Variants in NFATC3 observed in about 807,000 individuals in gnomAD.
The protein encoded by NFATC3 is nuclear factor of activated T cells 3.
In NFATC3, 46 loss-of-function variants were observed where a neutral mutation model predicts 98.6. That is an observed-to-expected ratio of 0.47 (90% CI 0.37 to 0.60). The LOEUF (loss-of-function observed/expected upper bound fraction) is 0.60. Ranked by LOEUF, NFATC3 falls within the 20% of genes least tolerant of loss-of-function variation. The probability of loss-of-function intolerance (pLI) is 0.00; values close to 1 mark genes in which losing one functional copy is unlikely to be tolerated. For synonymous variants in NFATC3, 512 were observed against 472.2 expected (o/e 1.08, Z -1.09); for missense variants, 1,256 against 1,295.5 (o/e 0.97, Z 0.47).
chr16:68,156,344 A>G (rs2038616125), intron 3 of NFATC3, among the ~76,000 whole-genome samples: 1 of 152,170 alleles, frequency 6.6e-6, no homozygotes, highest in Admixed American at 6.5e-5. Flanking sequence ...AAAAACAAAA[A>G]CAAATGGATA....
chr16:68,085,837 GA>G (rs1422338806), intron 1 of NFATC3, 53 bp downstream of exon 1: 108 of 1,303,166 alleles, frequency 8.3e-5, no homozygotes, highest in Non-Finnish European at 1.0e-4. Context: ...TCGCTCGCAG[GA>G]TCTCTCGCTC....
intron 3 of NFATC3, chr16:68,138,825 A>G (rs2037592092): frequency 8.2e-7 from 1 of 1,218,312 alleles, no homozygotes; most frequent in Admixed American, 3.0e-5. Context: ...CATGCTCCAC[A>G]CAGGAATAAA....
chr16:68,188,413 T>C (rs1360359681), intron 8 of NFATC3, among the ~76,000 whole-genome samples: 1 of 152,170 alleles, frequency 6.6e-6, no homozygotes, highest in African/African-American at 2.4e-5. Flanking sequence ...ACCCAGGAAG[T>C]GCAAGGCTCC....
At chr16:68,140,056 G>C (rs575599002) in intron 3 of NFATC3, among the ~76,000 whole-genome samples, 1 of 152,036 alleles carries the variant, frequency 6.6e-6, no homozygotes, top group African/African-American at 2.4e-5. Context: ...GAGTACAGTC[G>C]TGCAATCTTG....
chr16:68,126,844 A>G (rs559043720), intron 3 of NFATC3, among the ~76,000 whole-genome samples: 2 of 152,320 alleles, frequency 1.3e-5, no homozygotes, highest in South Asian at 2.1e-4. Context: ...GAGAAAGATT[A>G]CAGTGGCCAA....
chr16:68,123,091 A>G lies in NFATC3; in HGVS notation c.1208A>G (p.Lys403Arg). 6.2e-7 allele frequency: 1 copy of G among 1,605,066 alleles called. No homozygotes were observed. Among genetic ancestry groups the G allele is most frequent in the Non-Finnish European group, 8.5e-7 (1 of 1,179,774 alleles). ...LSVPSPFTWS[K>R]PKPGHTPIFR... ...GTTCCTTCACCCTTTACCTGGAGCA[A>G]ACCAAAGCCTGGCCACACCCCTATA... The change falls in exon 2 of 10, where the codon AAA becomes AGA. Residue 403 changes from lysine (K) to arginine (R), a missense_variant. By Grantham distance (26) the Lys-to-Arg change is conservative. This residue lies in a region of NFATC3 where 156 missense variants were observed against 212.4 expected (regional missense o/e 0.73). Coordinates refer to ENST00000346183, the MANE Select transcript of NFATC3 (RefSeq NM_173165.3).
rs531061752 is a variant in NFATC3, at chr16:68,137,871, C to T, written c.1401+11261C>T. 4.6e-5 allele frequency among the ~76,000 whole-genome samples: 7 copies of T among 152,168 alleles called. No individual in the cohort carries two copies. In the East Asian group the frequency reaches 5.8e-4, roughly 13 times the overall value. ...GACCTCGTGATCCGCCCTCCTCGGT[C>T]GGCCTCCCAAAGTGCTGGGATTACA... On this transcript the variant is annotated intron_variant, in intron 3 of 9. Transcript: ENST00000346183.
intron 3 of NFATC3, among the ~76,000 whole-genome samples, chr16:68,154,988 G>C (rs1426032301): frequency 6.6e-6 from 1 of 152,226 alleles, no homozygotes; most frequent in Non-Finnish European, 1.5e-5. Context: ...GGAAGACAGA[G>C]AGCAGTTATA....
chr16:68,217,489 A>G (rs961502719), intron 9 of NFATC3, among the ~76,000 whole-genome samples: 2 of 151,456 alleles, frequency 1.3e-5, no homozygotes, highest in African/African-American at 2.4e-5. Flanking sequence ...AAAAAAAAAA[A>G]ATCTGGCATG....
intron 9 of NFATC3, among the ~76,000 whole-genome samples, chr16:68,192,394 T>C (rs2040482767): frequency 6.6e-6 from 1 of 150,686 alleles, no homozygotes; most frequent in Admixed American, 6.6e-5. Context: ...CCTTAGCATC[T>C]GTTTTACCAC....
In NFATC3 at chr16:68,159,946, C is replaced by T. The variant is rs117817130; in HGVS notation, c.1601+1878C>T. Among the ~76,000 whole-genome samples, 1,470 of 151,778 alleles carry T rather than the reference C, an allele frequency of 9.7e-3. 16 individuals carry two copies. Among genetic ancestry groups the T allele is most frequent in the Middle Eastern group, 0.017 (5 of 292 alleles). On this transcript the variant is annotated intron_variant, in intron 4 of 9. Transcript: ENST00000346183. ...ACAAAAAATTACCTGGGTGTGGTGG[C>T]GGGTGTCTGTAATCCCAGCTACTCA...
At chr16:68,210,555 A>G (rs1042293267) in intron 9 of NFATC3, among the ~76,000 whole-genome samples, 2 of 152,138 alleles carry the variant, frequency 1.3e-5, no homozygotes, top group Non-Finnish European at 2.9e-5. Flanking sequence ...TTGTAGAGGT[A>G]GGGTCTTGCC....
intron 3 of NFATC3, among the ~76,000 whole-genome samples, chr16:68,133,126 C>T (rs1171342197): frequency 1.3e-5 from 2 of 151,978 alleles, no homozygotes; most frequent in African/African-American, 2.4e-5. Flanking sequence ...ATTAACTGGG[C>T]GTGGTGGCAC....
chr16:68,115,991 G>A (rs1345074125), intron 1 of NFATC3, among the ~76,000 whole-genome samples: 2 of 152,018 alleles, frequency 1.3e-5, no homozygotes, highest in African/African-American at 2.4e-5. Context: ...TTAGAACTTT[G>A]TCACTGCAAT....
chr16:68,156,710 C>T (rs1028969934), intron 3 of NFATC3, among the ~76,000 whole-genome samples: 1 of 152,000 alleles, frequency 6.6e-6, no homozygotes, highest in African/African-American at 2.4e-5. Flanking sequence ...GAGGTCGAGG[C>T]GGGCAGATCA....
chr16:68,141,563 G>A (rs1419549188), intron 3 of NFATC3, among the ~76,000 whole-genome samples: 2 of 152,050 alleles, frequency 1.3e-5, no homozygotes, highest in Admixed American at 1.3e-4. Flanking sequence ...CTGATGGTTA[G>A]TGATGTTGAG....
At chr16:68,214,494 G>T in intron 9 of NFATC3, 4 of 1,425,374 alleles carry the variant, frequency 2.8e-6, no homozygotes, top group Non-Finnish European at 4.0e-6. Context: ...GCATGCAGTG[G>T]CTGGATTTGC....
At chr16:68,224,090 C>G (rs1042055572) in intron 9 of NFATC3, among the ~76,000 whole-genome samples, 3 of 70,930 alleles carry the variant, frequency 4.2e-5, no homozygotes, top group African/African-American at 1.0e-4. Flanking sequence ...ACTAAAAATA[C>G]AAAAAATTAG....
intron 9 of NFATC3, among the ~76,000 whole-genome samples, chr16:68,196,378 C>A (rs1400522321): frequency 6.6e-6 from 1 of 152,178 alleles, no homozygotes; most frequent in African/African-American, 2.4e-5. Flanking sequence ...GCCTCAGCCT[C>A]CCAAAGTGCT....
Sources: gnomAD v4.1 joint callset for allele counts (sites outside exome capture counted in the v4.1 genomes callset) on GRCh38, gnomAD v4.1.1 for gene constraint, gnomAD v4.1.1 regional missense constraint, MANE v1.5 for transcripts, NCBI Gene and HGNC (gene_info 2026-07-23, HGNC 2026-07-21) for gene names.